HERC3: variants seen among roughly 807,000 people sequenced by gnomAD.
The protein encoded by HERC3 is probable E3 ubiquitin-protein ligase HERC3.
A neutral mutation model predicts 129.9 loss-of-function variants in HERC3; 58 were observed. The ratio of observed to expected loss-of-function variants is 0.45; its 90% CI spans 0.36 to 0.56. The LOEUF (loss-of-function observed/expected upper bound fraction) is 0.56, where lower values mean the gene tolerates loss of function less well. Among genes scored for constraint, HERC3 ranks in the 20% least tolerant of loss-of-function variants. The pLI, the probability that HERC3 is intolerant of heterozygous loss-of-function variation, is 0.00. For synonymous variants in HERC3, 430 were observed against 451.0 expected, an observed-to-expected ratio of 0.95 and a Z score of 0.59; for missense variants, 835 against 1,244.2, an observed-to-expected ratio of 0.67 and a Z score of 4.95.
chr4:88,691,631 C>T (rs1178025370), intron 23 of HERC3, among the ~76,000 whole-genome samples: 2 of 152,140 alleles, frequency 1.3e-5, no homozygotes, highest in African/African-American at 4.8e-5. Flanking sequence ...TGGTTAGGGA[C>T]CACCAGAAAA....
chr4:88,596,837 G>T (rs1167504640), intron 2 of HERC3, among the ~76,000 whole-genome samples: 1 of 152,138 alleles, frequency 6.6e-6, no homozygotes, highest in African/African-American at 2.4e-5. Flanking sequence ...TTTTGTGTTT[G>T]TGATTTGCTT....
At chr4:88,598,811 T>C (rs2149176296) in intron 2 of HERC3, among the ~76,000 whole-genome samples, 1 of 152,304 alleles carries the variant, frequency 6.6e-6, no homozygotes, top group Middle Eastern at 3.4e-3. Flanking sequence ...ATCTTGAATC[T>C]CTTACCAAGA....
At chr4:88,677,550 T>G (rs937954801) in intron 18 of HERC3, among the ~76,000 whole-genome samples, 1 of 152,158 alleles carries the variant, frequency 6.6e-6, no homozygotes, top group Non-Finnish European at 1.5e-5. Flanking sequence ...ATTGACAGTT[T>G]AGAGATTTTC....
the HERC3 span, among the ~76,000 whole-genome samples, chr4:88,533,984 A>G: frequency 2.0e-5 from 3 of 151,926 alleles, no homozygotes; most frequent in South Asian, 6.2e-4. Flanking sequence ...TCTACCTCCC[A>G]TTCCTCCTTC....
At chr4:88,697,163 CT>C (rs761519344) in intron 23 of HERC3, 4 of 1,457,048 alleles carry the variant, frequency 2.7e-6, no homozygotes, top group Non-Finnish European at 3.6e-6. Context: ...CAAAACCAGG[CT>C]TTTTTCTTCG....
chr4:88,668,399 G>A (rs1731262773), intron 14 of HERC3: 1 of 282,978 alleles, frequency 3.5e-6, no homozygotes, highest in African/African-American at 2.3e-5. Flanking sequence ...ACTGTACGTT[G>A]GTCTTTCTCC....
At chr4:88,550,084 T>A in the HERC3 span, among the ~76,000 whole-genome samples, 1 of 152,152 alleles carries the variant, frequency 6.6e-6, no homozygotes, top group Non-Finnish European at 1.5e-5. Context: ...TATAACCCCA[T>A]AATACTCGAC....
chr4:88,646,566 T>A (rs1728710676), intron 3 of HERC3, among the ~76,000 whole-genome samples: 1 of 152,192 alleles, frequency 6.6e-6, no homozygotes, highest in African/African-American at 2.4e-5. Context: ...ATGTGTGGGT[T>A]GAGGTTCCAT....
chr4:88,662,643 T>C (rs1560734495), intron 11 of HERC3, 88 bp downstream of exon 11: 1 of 1,335,812 alleles, frequency 7.5e-7, no homozygotes, highest in Non-Finnish European at 1.0e-6. Context: ...TGCATATTGA[T>C]ACTGTGAATG....
intron 23 of HERC3, chr4:88,690,559 T>C (rs1247161253): frequency 7.1e-6 from 7 of 984,934 alleles, no homozygotes; most frequent in Non-Finnish European, 8.4e-6. Flanking sequence ...CCTCATCCTC[T>C]GCTGAGTCAT....
In HERC3 at chr4:88,698,792, C is replaced by T. The variant is rs561414651; in HGVS notation, c.2658-5306C>T. 4.4e-3 allele frequency among the ~76,000 whole-genome samples: 658 copies of T among 147,966 alleles called. 2 individuals are homozygous for T. The highest frequency in any genetic ancestry group is 7.1e-3 in the Non-Finnish European group (477 of 66,924). On this transcript the variant is annotated intron_variant, in intron 23 of 25. Transcript: ENST00000402738. Reference sequence around the variant, plus strand: ...GCACTGACTTATGCCCCACCTTCTGCCCATCTTCTTCCCCGCCTTCTTCCC... The same window carrying T: ...GCACTGACTTATGCCCCACCTTCTGTCCATCTTCTTCCCCGCCTTCTTCCC...
At chr4:88,617,175 CAAAAA>C (rs1162260456) in intron 3 of HERC3, among the ~76,000 whole-genome samples, 6 of 31,860 alleles carry the variant, frequency 1.9e-4, no homozygotes, top group East Asian at 1.1e-3. Flanking sequence ...ACCCTGTCTC[CAAAAA>C]AAAAAAAAAA....
chr4:88,661,189 T>C (rs1184607950), intron 10 of HERC3, among the ~76,000 whole-genome samples: 2 of 152,256 alleles, frequency 1.3e-5, no homozygotes, highest in Non-Finnish European at 2.9e-5. Flanking sequence ...ACAGTGGTTT[T>C]ACAAGGAGGT....
At chr4:88,596,717 C>A (rs1221871447) in intron 2 of HERC3, among the ~76,000 whole-genome samples, 1 of 152,170 alleles carries the variant, frequency 6.6e-6, no homozygotes. Context: ...TAAGAAACAA[C>A]AATAAAAGGA....
intron 3 of HERC3, among the ~76,000 whole-genome samples, chr4:88,626,251 G>A (rs1483653663): frequency 2.0e-5 from 3 of 151,648 alleles, no homozygotes; most frequent in Admixed American, 6.6e-5. Context: ...TCTCTCAAAA[G>A]TCCAAGGCTG....
chr4:88,684,956 A>G (rs959309208), intron 21 of HERC3: 1 of 152,356 alleles, frequency 6.6e-6, no homozygotes, highest in Admixed American at 6.5e-5. Flanking sequence ...AGCGAGCACA[A>G]AAGAAGACAT....
the HERC3 span, among the ~76,000 whole-genome samples, chr4:88,542,045 G>A: frequency 0.14 from 21,174 of 152,018 alleles, 1,749 homozygotes; most frequent in Admixed American, 0.23. Flanking sequence ...AACTAGAGAA[G>A]CAAGAGCAAA....
chr4:88,637,096 T>C (rs1727501079), intron 3 of HERC3, among the ~76,000 whole-genome samples: 1 of 151,370 alleles, frequency 6.6e-6, no homozygotes, highest in Non-Finnish European at 1.5e-5. Flanking sequence ...ACTACTGCAC[T>C]CCAGCCTGGG....
At chr4:88,686,932 T>A (rs948446097) in intron 22 of HERC3, 130 bp downstream of exon 22, 1 of 744,836 alleles carries the variant, frequency 1.3e-6, no homozygotes, top group Admixed American at 2.2e-5. Flanking sequence ...ATTATTTTAG[T>A]CATAGTGTCT....
Sources: allele counts gnomAD v4.1 joint callset (sites outside exome capture counted in the v4.1 genomes callset), GRCh38; gene constraint gnomAD v4.1.1; transcripts MANE v1.5; gene names NCBI Gene and HGNC (gene_info 2026-07-23, HGNC 2026-07-21).